ZNF169: variants seen among roughly 807,000 people sequenced by gnomAD.
ZNF169 encodes zinc finger protein 169.
In ZNF169, 11 loss-of-function variants were observed where a neutral mutation model predicts 12.0. That is an observed-to-expected ratio of 0.92 (90% CI 0.58 to 1.52). The LOEUF (loss-of-function observed/expected upper bound fraction) is 1.52. Among genes scored for constraint, ZNF169 ranks in the 40% most tolerant of loss-of-function variants. ZNF169 has a pLI of 0.00. For synonymous variants in ZNF169, 302 were observed against 286.5 expected (o/e 1.05, Z -0.55); for missense variants, 722 against 744.0 (o/e 0.97, Z 0.34).
intron 1 of ZNF169, among the ~76,000 whole-genome samples, chr9:94,275,442 T>C (rs1415564894): frequency 6.6e-6 from 1 of 152,180 alleles, no homozygotes; most frequent in Non-Finnish European, 1.5e-5. Context: ...ATTCTATACT[T>C]GTTGGGTTTG....
At chr9:94,293,356 G>T in intron 4 of ZNF169, 1 of 595,026 alleles carries the variant, frequency 1.7e-6, no homozygotes, top group East Asian at 2.8e-5. Flanking sequence ...CATGTGGTTG[G>T]CATGATCTTC....
At chr9:94,270,560 G>T (rs938083029) in intron 1 of ZNF169, among the ~76,000 whole-genome samples, 2 of 137,816 alleles carry the variant, frequency 1.5e-5, no homozygotes, top group Non-Finnish European at 3.1e-5. Context: ...TTTTTATCAT[G>T]AATAGCCATT....
intron 2 of ZNF169, among the ~76,000 whole-genome samples, chr9:94,285,293 C>T (rs1046843847): frequency 2.6e-4 from 39 of 152,028 alleles, no homozygotes; most frequent in African/African-American, 7.7e-4. Flanking sequence ...TAAAAAGCTA[C>T]GGGATAGACT....
At position 94,300,981 on chromosome 9, in the gene ZNF169, A is replaced by C; in HGVS notation, c.1423A>C (p.Arg475=). 6.2e-7 allele frequency: 1 copy of C among 1,607,390 alleles called. No individual in the cohort carries two copies. The highest frequency in any genetic ancestry group is 1.4e-5 in the African/African-American group (1 of 72,566). The change falls in exon 5 of 5, where the codon AGA becomes CGA. Residue 475 remains arginine (R), a synonymous_variant. Transcript: ENST00000395395. ...CTTTGGTCAGAAGGTCACCCTCATC[A>C]GACACCAGAGGACACACACAGGGGA... ...RGFGQKVTLI[R]HQRTHTGEKP... is the part of the protein sequence containing the mutation.
chr9:94,276,945 T>TATGAGTGACCATGGC (rs1830531238), intron 1 of ZNF169, among the ~76,000 whole-genome samples: 1 of 151,950 alleles, frequency 6.6e-6, no homozygotes, highest in South Asian at 2.1e-4. Flanking sequence ...AGATTTATTG[T>TATGAGTGACCATGGC]GAGCCAAATA....
chr9:94,292,821 A>C (rs1291816909), intron 3 of ZNF169, among the ~76,000 whole-genome samples, 153 bp from the exon 4 acceptor site: 1 of 151,976 alleles, frequency 6.6e-6, no homozygotes, highest in Non-Finnish European at 1.5e-5. Flanking sequence ...CCCTGTATGC[A>C]TCCTTTCTTA....
chr9:94,262,854 T>G (rs1172847833), intron 1 of ZNF169, among the ~76,000 whole-genome samples: 1 of 152,238 alleles, frequency 6.6e-6, no homozygotes, highest in Admixed American at 6.5e-5. Flanking sequence ...ACTTGATGAA[T>G]GCAGTGCCTT....
chr9:94,299,593 T>A, intron 4 of ZNF169: 1 of 1,364,048 alleles, frequency 7.3e-7, no homozygotes, highest in Middle Eastern at 2.7e-4. Context: ...CTTGCAGCAA[T>A]TTATAGAGCT....
At chr9:94,266,702 T>C (rs569747421) in intron 1 of ZNF169, among the ~76,000 whole-genome samples, 79 of 152,210 alleles carry the variant, frequency 5.2e-4, no homozygotes, top group Admixed American at 1.6e-3. Context: ...TAGAATTTAA[T>C]CCAAATTGTA....
intron 2 of ZNF169, among the ~76,000 whole-genome samples, chr9:94,283,387 G>A (rs1368997684): frequency 1.3e-5 from 2 of 151,978 alleles, no homozygotes; most frequent in Non-Finnish European, 2.9e-5. Context: ...CAGCCTGGGC[G>A]ACAAAGCAAG....
chr9:94,290,924 T>G (rs1830816141), intron 2 of ZNF169, among the ~76,000 whole-genome samples: 1 of 152,088 alleles, frequency 6.6e-6, no homozygotes, highest in Non-Finnish European at 1.5e-5. Context: ...CCCACAAAAA[T>G]ATGTTTTTCT....
At chr9:94,267,999 G>A (rs1487316560) in intron 1 of ZNF169, among the ~76,000 whole-genome samples, 1 of 151,618 alleles carries the variant, frequency 6.6e-6, no homozygotes, top group African/African-American at 2.4e-5. Context: ...CTGAGTAGCT[G>A]GGGTTACAGG....
At chr9:94,281,484 A>G (rs1004571848) in intron 2 of ZNF169, among the ~76,000 whole-genome samples, 1 of 152,200 alleles carries the variant, frequency 6.6e-6, no homozygotes, top group Non-Finnish European at 1.5e-5. Context: ...GGTCTCAGTT[A>G]ATTTAGAAAG....
At position 94,300,325 on chromosome 9, in the gene ZNF169, A is replaced by G; in HGVS notation, c.767A>G (p.His256Arg). 6.2e-7 allele frequency: 1 copy of G among 1,614,180 alleles called. No individual in the cohort carries two copies. Among genetic ancestry groups the G allele is most frequent in the Non-Finnish European group, 8.5e-7 (1 of 1,180,034 alleles). The change falls in exon 5 of 5, where the codon CAC (histidine) becomes CGC (arginine). Residue 256 changes from histidine (H) to arginine (R), a missense_variant. Physicochemically the swap from His to Arg is conservative, Grantham distance 29 (BLOSUM62 0). Transcript: ENST00000395395. ...GACCTTATCAAGCACCAGAGGACAC[A>G]CACCGGGGAGAAGCCATACCTGTGT... is the stretch of plus-strand genomic sequence containing the variant. ...RSDLIKHQRT[H>R]TGEKPYLCPE...
At chr9:94,276,455 G>A (rs1335812288) in intron 1 of ZNF169, among the ~76,000 whole-genome samples, 3 of 151,950 alleles carry the variant, frequency 2.0e-5, no homozygotes, top group Non-Finnish European at 2.9e-5. Context: ...TAGTAGAGAT[G>A]GGGTTCCACC....
At chr9:94,270,696 T>G (rs1365684992) in intron 1 of ZNF169, among the ~76,000 whole-genome samples, 1 of 20,896 alleles carries the variant, frequency 4.8e-5, no homozygotes, top group South Asian at 1.4e-3. Context: ...AAATATATAA[T>G]TTATATAATT....
rs754372855 is a variant in ZNF169, at chr9:94,278,809, G to A, written c.-4G>A. ...CTAGGAAGAGTACTCCAGAGAGCAG[G>A]GATATGTCACCAGGACTCCTGACAA... On this transcript the variant is annotated 5_prime_UTR_variant, in exon 2 of 5. Coordinates refer to ENST00000395395, the MANE Select transcript of ZNF169 (RefSeq NM_194320.4). 9.3e-6 allele frequency: 15 copies of A among 1,613,814 alleles called. No individual in the cohort carries two copies. Among genetic ancestry groups the A allele is most frequent in the African/African-American group, 2.7e-5 (2 of 74,914 alleles).
intron 1 of ZNF169, among the ~76,000 whole-genome samples, chr9:94,269,738 A>G (rs1486158346): frequency 3.9e-5 from 6 of 152,322 alleles, no homozygotes; most frequent in African/African-American, 1.4e-4. Context: ...TCAAAATTAC[A>G]AAGTTTTCCA....
At chr9:94,281,047 T>A (rs6479533) in intron 2 of ZNF169, among the ~76,000 whole-genome samples, 74,797 of 151,968 alleles carry the variant, frequency 0.49, 18,535 homozygotes, top group Admixed American at 0.55. Context: ...TTGAAGAGAA[T>A]CTTGGAGTTC....
Sources: gnomAD v4.1 joint callset for allele counts (sites outside exome capture counted in the v4.1 genomes callset) on GRCh38, gnomAD v4.1.1 for gene constraint, MANE v1.5 for transcripts, NCBI Gene and HGNC (gene_info 2026-07-23, HGNC 2026-07-21) for gene names.